Variants in PPP6R2 observed in about 807,000 individuals in gnomAD.
PPP6R2 encodes the protein serine/threonine-protein phosphatase 6 regulatory subunit 2.
Under a neutral mutation model 100.2 loss-of-function variants are expected in PPP6R2, and 62 were observed. That is an observed-to-expected ratio of 0.62 (90% CI 0.50 to 0.76). The LOEUF is 0.76. Ranked by LOEUF, PPP6R2 falls within the 30% of genes least tolerant of loss-of-function variation. The pLI is 0.00. For missense variants in PPP6R2, 1,142 were observed against 1,276.3 expected, an observed-to-expected ratio of 0.89 and a Z score of 1.60; for synonymous variants, 525 against 514.7, an observed-to-expected ratio of 1.02 and a Z score of -0.27.
At chr22:50,352,532 C>G (rs920067647) in intron 1 of PPP6R2, among the ~76,000 whole-genome samples, 1 of 151,866 alleles carries the variant, frequency 6.6e-6, no homozygotes, top group Non-Finnish European at 1.5e-5. Flanking sequence ...GGAGACCATC[C>G]TGGCCAACAT....
At position 50,438,596 on chromosome 22, in the gene PPP6R2, C is replaced by T. The variant is rs748838234; in HGVS notation, c.1965-3C>T. 1 of 1,613,600 alleles carries T rather than the reference C, an allele frequency of 6.2e-7. No individual in the cohort carries two copies. The highest frequency in any genetic ancestry group is 8.5e-7 in the Non-Finnish European group (1 of 1,179,806). On this transcript the variant is annotated splice_region_variant and splice_polypyrimidine_tract_variant and intron_variant, in intron 18 of 23. Transcript: ENST00000612753. ...CAGACATCTGACTCTGAATCTCCCC[C>T]AGGTTTGGAGCCCCCCATGCTTCAG... is the stretch of plus-strand genomic sequence containing the variant.
chr22:50,381,907 C>CAA (rs369812450), intron 2 of PPP6R2, among the ~76,000 whole-genome samples: 52 of 95,648 alleles, frequency 5.4e-4, no homozygotes, highest in African/African-American at 9.6e-4. Context: ...GACTCCGTCT[C>CAA]AAAAAAAAAA....
At chr22:50,435,133 GA>G in intron 13 of PPP6R2, 52 bp downstream of exon 13, 1 of 1,403,348 alleles carries the variant, frequency 7.1e-7, no homozygotes, top group Non-Finnish European at 9.4e-7. Context: ...CCGGGACCCC[GA>G]AGGAGCTGCC....
chr22:50,440,985 C>G lies in PPP6R2; in HGVS notation c.2538C>G (p.Pro846=), dbSNP rs774083993. Residue 846 remains proline, a synonymous_variant, in exon 22 of 24, where the codon CCC becomes CCG. Coordinates refer to ENST00000612753, the MANE Select transcript of PPP6R2 (RefSeq NM_001242898.2). The stretch of plus-strand genomic sequence containing the variant: ...GCAGGGGTCCCGGCCGGGAGGCCCC[C>G]CCGCTGCCCACAGTGGCCAGGACAG... ...AVSRGPGREA[P]PLPTVARTEE... 47 of 1,610,250 alleles carry G rather than the reference C, an allele frequency of 2.9e-5. No individual in the cohort carries two copies. Among genetic ancestry groups the G allele is most frequent in the Non-Finnish European group, 2.2e-5 (26 of 1,178,266 alleles).
chr22:50,334,441 G>T, the PPP6R2 span, among the ~76,000 whole-genome samples: 1 of 152,096 alleles, frequency 6.6e-6, no homozygotes, highest in South Asian at 2.1e-4. Context: ...TATAATATTG[G>T]ATTAAAGAGT....
At chr22:50,414,996 C>T (rs1296410347) in intron 5 of PPP6R2, among the ~76,000 whole-genome samples, 8 of 152,236 alleles carry the variant, frequency 5.3e-5, no homozygotes, top group African/African-American at 1.9e-4. Context: ...TGCCAGCGCC[C>T]ACCCCTGTGG....
At chr22:50,358,803 G>T (rs923483685) in intron 1 of PPP6R2, among the ~76,000 whole-genome samples, 1 of 152,078 alleles carries the variant, frequency 6.6e-6, no homozygotes, top group East Asian at 1.9e-4. Context: ...GCCATCATTT[G>T]TTGAAAGGAC....
intron 3 of PPP6R2, among the ~76,000 whole-genome samples, chr22:50,403,070 G>A (rs554917489): frequency 2.6e-4 from 40 of 152,250 alleles, no homozygotes; most frequent in African/African-American, 7.2e-4. Context: ...AAAGTTAGCC[G>A]AGCATGGTGG....
intron 2 of PPP6R2, among the ~76,000 whole-genome samples, chr22:50,377,630 G>T (rs139128192): frequency 6.6e-6 from 1 of 152,158 alleles, no homozygotes; most frequent in African/African-American, 2.4e-5. Context: ...TTTACTTAAT[G>T]TTCTGTAAAG....
intron 2 of PPP6R2, among the ~76,000 whole-genome samples, chr22:50,381,264 G>C (rs1351638799): frequency 9.6e-6 from 1 of 103,698 alleles, no homozygotes; most frequent in Non-Finnish European, 2.1e-5. Flanking sequence ...CATCACACGG[G>C]CCTCACCTCA....
chr22:50,394,629 G>A (rs1353670184), intron 3 of PPP6R2, among the ~76,000 whole-genome samples: 3 of 147,258 alleles, frequency 2.0e-5, no homozygotes, highest in East Asian at 2.0e-4. Context: ...AAAAAAGGCC[G>A]GGCACAGTGG....
At chr22:50,396,481 T>A (rs1191981441) in intron 3 of PPP6R2, among the ~76,000 whole-genome samples, 3 of 138,402 alleles carry the variant, frequency 2.2e-5, no homozygotes. Flanking sequence ...GGCGACAGAG[T>A]GAGACTCCGT....
At chr22:50,347,970 T>C (rs1432633992) in intron 1 of PPP6R2, among the ~76,000 whole-genome samples, 1 of 152,184 alleles carries the variant, frequency 6.6e-6, no homozygotes, top group Non-Finnish European at 1.5e-5. Context: ...TCTAACTCAC[T>C]TCAGTTAATC....
intron 22 of PPP6R2, chr22:50,443,438 T>TTGGGGTGCCCGACCCC (rs756881757): frequency 1.8e-4 from 29 of 164,106 alleles, no homozygotes; most frequent in Non-Finnish European, 3.3e-4. Context: ...AGGCTGGGCC[T>TTGGGGTGCCCGACCCC]TGGGGTGCCC....
At chr22:50,438,889 ATCCCCAGCTAT>A in intron 19 of PPP6R2, 127 bp downstream of exon 19, 8 of 1,005,038 alleles carry the variant, frequency 8.0e-6, no homozygotes, top group Non-Finnish European at 1.1e-5. Flanking sequence ...CGGAGCCTGA[ATCCCCAGCTAT>A]TTCCCAGCCG....
intron 1 of PPP6R2, among the ~76,000 whole-genome samples, chr22:50,368,085 G>A (rs1007047543): frequency 3.9e-5 from 6 of 152,210 alleles, no homozygotes; most frequent in East Asian, 1.9e-4. Context: ...TTTCAAAGAC[G>A]TTAGTACTTT....
intron 2 of PPP6R2, among the ~76,000 whole-genome samples, chr22:50,384,163 A>G (rs1408933185): frequency 6.6e-6 from 1 of 152,246 alleles, no homozygotes; most frequent in East Asian, 1.9e-4. Flanking sequence ...TGCCAGGTGC[A>G]TTACATAACT....
At position 50,382,174 on chromosome 22, in the gene PPP6R2, G is replaced by A. The variant is rs547273614; in HGVS notation, c.-17+10024G>A. 2.0e-5 allele frequency among the ~76,000 whole-genome samples: 3 copies of A among 152,162 alleles called. No homozygotes were observed. The East Asian group carries it at 5.8e-4, about 29-fold the overall frequency. ...ATAAAAAGATAAAAGAATTTAAAAG[G>A]AAGAAACAATCTATTATTCGTTGGT... On this transcript the variant is annotated intron_variant, in intron 2 of 23. Coordinates refer to ENST00000612753, the MANE Select transcript of PPP6R2 (RefSeq NM_001242898.2).
rs942620984 is a variant in PPP6R2, at chr22:50,441,163, C to T, written c.2579+137C>T. On this transcript the variant is annotated intron_variant, in intron 22 of 23. Coordinates refer to ENST00000612753, the MANE Select transcript of PPP6R2 (RefSeq NM_001242898.2). ...CTCCACACTGCCTCCCCCATGGCCC[C>T]GTGACCCTTCAGAGGCTGGCTGAGG... 53 of 806,088 alleles carry T rather than the reference C, an allele frequency of 6.6e-5. No homozygotes were observed. In the Admixed American group the frequency reaches 7.1e-4, roughly 11 times the overall value. The allele number at this position is 806,088 out of a possible 1,614,324, so 49.9% of individuals were successfully genotyped here.
Sources: gnomAD v4.1 joint callset for allele counts (sites outside exome capture counted in the v4.1 genomes callset) on GRCh38, gnomAD v4.1.1 for gene constraint, MANE v1.5 for transcripts, NCBI Gene and HGNC (gene_info 2026-07-23, HGNC 2026-07-21) for gene names.